Variants in IQCE observed in about 807,000 individuals in gnomAD.
IQCE encodes the protein IQ domain-containing protein E.
A neutral mutation model predicts 96.0 loss-of-function variants in IQCE; 115 were observed. The observed-to-expected ratio is 1.20, with a 90% confidence interval of 1.03 to 1.40. The LOEUF is 1.40. Ranked by LOEUF, IQCE falls within the 40% of genes most tolerant of loss-of-function variation. The pLI, the probability that IQCE is intolerant of heterozygous loss-of-function variation, is 0.00. For missense variants in IQCE, 1,041 were observed against 909.1 expected (o/e 1.15, Z -1.87); for synonymous variants, 412 against 371.2 (o/e 1.11, Z -1.26).
intron 16 of IQCE, among the ~76,000 whole-genome samples, chr7:2,595,303 G>A (rs1783939155): frequency 6.6e-6 from 1 of 152,204 alleles, no homozygotes; most frequent in African/African-American, 2.4e-5. Flanking sequence ...TGGGGGGAAA[G>A]GACGAAGGCT....
chr7:2,565,088 G>C (rs1048171373), intron 1 of IQCE, among the ~76,000 whole-genome samples: 2 of 147,234 alleles, frequency 1.4e-5, no homozygotes, highest in Non-Finnish European at 3.0e-5. Context: ...GCATGTGTGC[G>C]TGTGTGTGCG....
chr7:2,610,198 C>A lies in IQCE; in HGVS notation c.*36C>A. 1 of 1,223,182 alleles carries A rather than the reference C, an allele frequency of 8.2e-7. No individual in the cohort carries two copies. Among genetic ancestry groups the A allele is most frequent in the Non-Finnish European group, 1.2e-6 (1 of 822,610 alleles). The allele number at this position is 1,223,182 out of a possible 1,614,324, so 75.8% of individuals were successfully genotyped here. On this transcript the variant is annotated 3_prime_UTR_variant, in exon 22 of 22. Coordinates refer to ENST00000402050, the MANE Select transcript of IQCE (RefSeq NM_152558.5). ...CTGTCTCCACGCCGTGATGGCAGCG[C>A]TGCCGAGGACATAGGAACCACGACT... is the stretch of plus-strand genomic sequence containing the variant.
chr7:2,578,384 C>A (rs747975555), intron 7 of IQCE, 29 bp downstream of exon 7: 16 of 1,611,168 alleles, frequency 9.9e-6, no homozygotes, highest in Middle Eastern at 1.6e-4. Context: ...ACGGACGGGG[C>A]AAGGGGAGGG....
intron 16 of IQCE, among the ~76,000 whole-genome samples, chr7:2,595,651 C>G (rs774449277): frequency 2.0e-5 from 3 of 151,846 alleles, no homozygotes; most frequent in Non-Finnish European, 4.4e-5. Context: ...CCATGCTCTG[C>G]TCACCATGGC....
At chr7:2,572,508 C>G (rs1562628552) in intron 5 of IQCE, among the ~76,000 whole-genome samples, 182 bp downstream of exon 5, 1 of 152,208 alleles carries the variant, frequency 6.6e-6, no homozygotes, top group Non-Finnish European at 1.5e-5. Context: ...AAAAACCCGC[C>G]TGCCCCAGAA....
At chr7:2,563,819 G>A (rs1157519038) in intron 1 of IQCE, among the ~76,000 whole-genome samples, 6 of 150,722 alleles carry the variant, frequency 4.0e-5, no homozygotes, top group East Asian at 3.9e-4. Flanking sequence ...GTGTGAACCC[G>A]GGAGGCGGAG....
intron 18 of IQCE, among the ~76,000 whole-genome samples, chr7:2,603,320 A>G (rs1414235255): frequency 6.6e-6 from 1 of 152,092 alleles, no homozygotes; most frequent in African/African-American, 2.4e-5. Flanking sequence ...TCAGAATGCA[A>G]GCTCTGTCTT....
At chr7:2,576,887 T>A (rs1481460620) in intron 6 of IQCE, among the ~76,000 whole-genome samples, 2 of 152,180 alleles carry the variant, frequency 1.3e-5, no homozygotes, top group Non-Finnish European at 2.9e-5. Context: ...TCTTGTGTGG[T>A]CATGGGAGAA....
intron 1 of IQCE, among the ~76,000 whole-genome samples, chr7:2,561,624 T>C (rs2128424853): frequency 6.6e-6 from 1 of 152,152 alleles, no homozygotes; most frequent in South Asian, 2.1e-4. Context: ...GGTTTCACCT[T>C]GTTAGCCAGG....
intron 4 of IQCE, among the ~76,000 whole-genome samples, chr7:2,571,927 T>G (rs1425046626): frequency 1.3e-5 from 2 of 152,122 alleles, no homozygotes; most frequent in Admixed American, 6.5e-5. Context: ...CTTAGGAGTT[T>G]GGTGGGCTGG....
At chr7:2,605,659 A>AATAG (rs1554319691) in intron 19 of IQCE, among the ~76,000 whole-genome samples, 2 of 149,494 alleles carry the variant, frequency 1.3e-5, no homozygotes, top group Admixed American at 1.3e-4. Context: ...TAAATAAATA[A>AATAG]ATAAATAGAT....
intron 12 of IQCE, 81 bp from the exon 13 acceptor site, chr7:2,587,741 C>T: frequency 7.4e-7 from 1 of 1,347,804 alleles, no homozygotes; most frequent in Non-Finnish European, 1.1e-6. Context: ...GGAAGAGGAG[C>T]CTCAGGCCAT....
At chr7:2,562,103 G>A (rs1429353952) in intron 1 of IQCE, among the ~76,000 whole-genome samples, 1 of 152,142 alleles carries the variant, frequency 6.6e-6, no homozygotes, top group Non-Finnish European at 1.5e-5. Context: ...TCATGAATGA[G>A]TGTTAGATTT....
At chr7:2,601,068 G>T (rs536855868) in intron 17 of IQCE, among the ~76,000 whole-genome samples, 1 of 152,128 alleles carries the variant, frequency 6.6e-6, no homozygotes, top group Non-Finnish European at 1.5e-5. Flanking sequence ...ACAGTGGTCC[G>T]GACACCTGTG....
intron 2 of IQCE, 32 bp downstream of exon 2, chr7:2,567,195 T>C (rs1222917875): frequency 3.2e-5 from 51 of 1,594,588 alleles, no homozygotes; most frequent in Non-Finnish European, 4.3e-5. Context: ...CCGTGCGACC[T>C]CGGGCTGGTT....
intron 15 of IQCE, among the ~76,000 whole-genome samples, chr7:2,594,217 G>C (rs1052905724): frequency 6.6e-6 from 1 of 152,342 alleles, no homozygotes; most frequent in Non-Finnish European, 1.5e-5. Flanking sequence ...CAGAGAGCAT[G>C]CCACTGTCCT....
At chr7:2,584,400 T>C (rs900156391) in intron 11 of IQCE, 115 bp downstream of exon 11, 13 of 935,788 alleles carry the variant, frequency 1.4e-5, no homozygotes, top group South Asian at 2.6e-5. Context: ...AGCTTGGCAG[T>C]GCTGCCAACA....
chr7:2,582,183 G>GTTCAGTCTCC (rs2128449297), intron 8 of IQCE: 1 of 412,432 alleles, frequency 2.4e-6, no homozygotes, highest in South Asian at 1.9e-5. Flanking sequence ...GCCCCATGGA[G>GTTCAGTCTCC]ACTGAACTGG....
intron 21 of IQCE, among the ~76,000 whole-genome samples, chr7:2,609,008 A>G (rs754448702): frequency 1.3e-5 from 2 of 152,224 alleles, no homozygotes; most frequent in Non-Finnish European, 2.9e-5. Flanking sequence ...AAAATCTCAC[A>G]TGAGCAGTTC....
Sources: allele counts gnomAD v4.1 joint callset (sites outside exome capture counted in the v4.1 genomes callset), GRCh38; gene constraint gnomAD v4.1.1; transcripts MANE v1.5; gene names NCBI Gene and HGNC (gene_info 2026-07-23, HGNC 2026-07-21).